The following MAGI2 variants were observed in gnomAD, a reference collection of about 807,000 sequenced individuals.
The protein encoded by MAGI2 is membrane-associated guanylate kinase, WW and PDZ domain-containing protein 2.
Under a neutral mutation model 133.3 loss-of-function variants are expected in MAGI2, and 35 were observed. The ratio of observed to expected loss-of-function variants is 0.26; its 90% CI spans 0.20 to 0.35. MAGI2 has a LOEUF of 0.35. Among genes scored for constraint, MAGI2 ranks in the 10% least tolerant of loss-of-function variants. The pLI is 1.00. For missense variants in MAGI2, 1,636 were observed against 1,863.4 expected (o/e 0.88, Z 2.25); for synonymous variants, 729 against 710.6 (o/e 1.03, Z -0.41).
At chr7:78,288,568 T>A (rs1234370256) in intron 9 of MAGI2, among the ~76,000 whole-genome samples, 5 of 152,092 alleles carry the variant, frequency 3.3e-5, no homozygotes, top group Admixed American at 6.6e-5. Flanking sequence ...GATGGATGAT[T>A]TCTGCATTTC....
chr7:78,065,539 T>C (rs1365171710), intron 21 of MAGI2: 1 of 655,902 alleles, frequency 1.5e-6, no homozygotes, highest in Admixed American at 2.6e-5. Context: ...CAAGGCTCAT[T>C]AGAGAAAGAT....
In MAGI2 at chr7:78,853,893, T is replaced by A. The variant is rs1793392861; in HGVS notation, c.418+153197A>T. 2.6e-5 allele frequency among the ~76,000 whole-genome samples: 4 copies of A among 152,092 alleles called. 1 individual carries two copies. In the South Asian group the frequency reaches 8.3e-4, roughly 32 times the overall value. ...AGGGTTGAGGATAGGCACCCTGCAA[T>A]GCCATGGCAAGATAAGTGTCCTGAT... On this transcript the variant is annotated intron_variant, in intron 2 of 21. Transcript: ENST00000354212.
intron 3 of MAGI2, among the ~76,000 whole-genome samples, chr7:78,534,711 T>C (rs1196033638): frequency 1.3e-5 from 2 of 152,210 alleles, no homozygotes; most frequent in African/African-American, 4.8e-5. Context: ...TAACTTGATA[T>C]TGACCTTTGT....
chr7:79,173,155 T>C (rs1403174504), intron 1 of MAGI2, among the ~76,000 whole-genome samples: 1 of 152,008 alleles, frequency 6.6e-6, no homozygotes, highest in Non-Finnish European at 1.5e-5. Context: ...AAACATTTTA[T>C]TCATAATAGC....
At chr7:78,930,100 T>C (rs1026439546) in intron 2 of MAGI2, among the ~76,000 whole-genome samples, 4 of 152,076 alleles carry the variant, frequency 2.6e-5, no homozygotes, top group African/African-American at 9.7e-5. Flanking sequence ...AAGCTATGTG[T>C]TAAAGAAGAA....
chr7:78,557,825 T>C (rs921671224), intron 3 of MAGI2, among the ~76,000 whole-genome samples: 1 of 152,178 alleles, frequency 6.6e-6, no homozygotes, highest in African/African-American at 2.4e-5. Flanking sequence ...AGGTACAGTT[T>C]TTGCTTATTG....
chr7:79,365,073 A>C (rs1159523576), intron 1 of MAGI2, among the ~76,000 whole-genome samples: 1 of 152,188 alleles, frequency 6.6e-6, no homozygotes, highest in Non-Finnish European at 1.5e-5. Context: ...GAAACTGTGC[A>C]AAAGACATGA....
intron 1 of MAGI2, among the ~76,000 whole-genome samples, chr7:79,315,164 CTT>C (rs33911640): frequency 2.8e-5 from 4 of 140,676 alleles, no homozygotes; most frequent in Non-Finnish European, 4.6e-5. Flanking sequence ...AGATTTAACT[CTT>C]TTTTTTTTTT....
At chr7:78,375,637 C>G (rs1229875531) in intron 6 of MAGI2, among the ~76,000 whole-genome samples, 1 of 151,520 alleles carries the variant, frequency 6.6e-6, no homozygotes, top group Non-Finnish European at 1.5e-5. Context: ...AATGACTGTA[C>G]AAAAGAAAAT....
intron 20 of MAGI2, among the ~76,000 whole-genome samples, chr7:78,110,117 T>C (rs11761938): frequency 0.26 from 39,095 of 152,004 alleles, 5,343 homozygotes; most frequent in South Asian, 0.34. Context: ...TTTTCCTGGC[T>C]GTTCCCTTTC....
chr7:79,070,612 C>A (rs570573256), intron 1 of MAGI2, among the ~76,000 whole-genome samples: 1 of 152,038 alleles, frequency 6.6e-6, no homozygotes, highest in South Asian at 2.1e-4. Flanking sequence ...TTGCATCAGC[C>A]TTCTGAATAG....
rs1425183031 is a variant in MAGI2, at chr7:78,941,455, T to G, written c.418+65635A>C. Among the ~76,000 whole-genome samples the G allele has an allele frequency of 4.6e-5, 7 of 152,252 alleles. No individual in the cohort carries two copies. The East Asian group carries it at 1.4e-3, about 29-fold the overall frequency. On this transcript the variant is annotated intron_variant, in intron 2 of 21. Transcript: ENST00000354212. ...ACCTCCCCCTCTCAGGTTCAAGTGA[T>G]TCTTGTGCCTCAGCCTCTCGAGTAG...
chr7:79,086,248 T>C (rs1396961800), intron 1 of MAGI2, among the ~76,000 whole-genome samples: 1 of 151,856 alleles, frequency 6.6e-6, no homozygotes, highest in African/African-American at 2.4e-5. Context: ...GTCCTGACAA[T>C]GGAGTTTTTT....
rs148236570 is a variant in MAGI2, at chr7:78,242,350, G to C, written c.2047+13593C>G. Among the ~76,000 whole-genome samples the C allele has an allele frequency of 9.8e-5, 15 of 152,332 alleles. No individual in the cohort carries two copies. In the East Asian group the frequency reaches 2.9e-3, roughly 29 times the overall value. ...GCCTGGTTCCCTGAGCCACTGCATG[G>C]AGGGGAGGTGCTCAGGAGATCTGCC... On this transcript the variant is annotated intron_variant, in intron 10 of 21. Transcript: ENST00000354212.
rs1790470481 is a variant in MAGI2 at position 78,235,789 on chromosome 7, A to T, written c.2047+20154T>A. Among the ~76,000 whole-genome samples, 8 of 152,116 alleles carry T rather than the reference A, an allele frequency of 5.3e-5. 1 individual carries two copies. The South Asian group carries it at 1.7e-3, about 31-fold the overall frequency. On this transcript the variant is annotated intron_variant, in intron 10 of 21. Coordinates refer to ENST00000354212, the MANE Select transcript of MAGI2 (RefSeq NM_012301.4). ...TCCTTTCTTCTGGATCCCCCAACTC[A>T]TAAAATAGACGATTGTAACTAAGCC...
chr7:78,825,259 G>T (rs1158376295), intron 2 of MAGI2, among the ~76,000 whole-genome samples: 3 of 152,074 alleles, frequency 2.0e-5, no homozygotes, highest in Non-Finnish European at 2.9e-5. Flanking sequence ...AAATTAAAAA[G>T]AAATAAATAA....
At chr7:78,586,817 T>A (rs1803467266) in intron 3 of MAGI2, among the ~76,000 whole-genome samples, 1 of 152,230 alleles carries the variant, frequency 6.6e-6, no homozygotes, top group South Asian at 2.1e-4. Context: ...ATAAGTAGAA[T>A]CATACAGTAT....
chr7:79,168,026 A>C (rs1425262319), intron 1 of MAGI2, among the ~76,000 whole-genome samples: 1 of 152,104 alleles, frequency 6.6e-6, no homozygotes, highest in Non-Finnish European at 1.5e-5. Context: ...AACTAGGGAG[A>C]CCCATACCTT....
chr7:78,773,175 G>T (rs998068891), intron 2 of MAGI2, among the ~76,000 whole-genome samples: 1 of 152,056 alleles, frequency 6.6e-6, no homozygotes, highest in Admixed American at 6.6e-5. Flanking sequence ...ACACACCTAA[G>T]CATATCCAAT....
Sources: gnomAD v4.1 joint callset for allele counts (sites outside exome capture counted in the v4.1 genomes callset) on GRCh38, gnomAD v4.1.1 for gene constraint, MANE v1.5 for transcripts, NCBI Gene and HGNC (gene_info 2026-07-23, HGNC 2026-07-21) for gene names.